Variants in KTN1 observed in about 807,000 individuals in gnomAD.
KTN1 encodes kinectin.
KTN1 carries 130 observed loss-of-function variants against 222.5 expected under a neutral mutation model. That is an observed-to-expected ratio of 0.58 (90% CI 0.51 to 0.68). KTN1 has a LOEUF of 0.68. Ranked by LOEUF, KTN1 falls within the 30% of genes least tolerant of loss-of-function variation. KTN1 has a pLI of 0.00. For synonymous variants in KTN1, 512 were observed against 496.3 expected, an observed-to-expected ratio of 1.03 and a Z score of -0.42; for missense variants, 1,508 against 1,500.4, an observed-to-expected ratio of 1.01 and a Z score of -0.08.
intron 1 of KTN1, among the ~76,000 whole-genome samples, chr14:55,585,927 A>G (rs1251517634): frequency 1.3e-5 from 2 of 152,216 alleles, no homozygotes; most frequent in African/African-American, 4.8e-5. Context: ...TTTGACTCTG[A>G]GTAACATCTA....
intron 1 of KTN1, 92 bp downstream of exon 1, chr14:55,580,446 A>AGGGCCGCGCCGGGCGGGG (rs1042853603): frequency 6.9e-6 from 1 of 145,228 alleles, no homozygotes; most frequent in African/African-American, 2.5e-5. Context: ...GGCAGGCGGG[A>AGGGCCGCGCCGGGCGGGG]GGGCCGCGCC....
At chr14:55,610,256 T>G (rs931380632) in intron 1 of KTN1, among the ~76,000 whole-genome samples, 1 of 152,172 alleles carries the variant, frequency 6.6e-6, no homozygotes, top group Non-Finnish European at 1.5e-5. Flanking sequence ...CTAAGCATGC[T>G]GGAAGTCCTG....
intron 18 of KTN1, among the ~76,000 whole-genome samples, chr14:55,642,868 AG>A (rs1191500931): frequency 6.6e-6 from 1 of 152,012 alleles, no homozygotes; most frequent in Non-Finnish European, 1.5e-5. Flanking sequence ...ACAGTGCTGA[AG>A]GGATGATATT....
At chr14:55,621,112 C>A (rs536101207) in intron 5 of KTN1, among the ~76,000 whole-genome samples, 14 of 152,144 alleles carry the variant, frequency 9.2e-5, no homozygotes, top group Non-Finnish European at 1.9e-4. Flanking sequence ...AGTCTCTTTG[C>A]TAAAACATAG....
At chr14:55,632,822 A>G (rs1424188952) in intron 7 of KTN1, among the ~76,000 whole-genome samples, 2 of 152,338 alleles carry the variant, frequency 1.3e-5, no homozygotes, top group South Asian at 2.1e-4. Context: ...TGTACCAAAC[A>G]TATTTTCAGT....
intron 1 of KTN1, among the ~76,000 whole-genome samples, chr14:55,587,486 T>C (rs1425687939): frequency 1.3e-5 from 2 of 152,198 alleles, no homozygotes; most frequent in Non-Finnish European, 2.9e-5. Flanking sequence ...TTGGACAAGC[T>C]AAGCTGTGCA....
At chr14:55,581,299 G>T (rs2031538934) in intron 1 of KTN1, among the ~76,000 whole-genome samples, 1 of 152,266 alleles carries the variant, frequency 6.6e-6, no homozygotes. Flanking sequence ...AGGTTAGGTT[G>T]AAAGTAAGCT....
chr14:55,613,729 A>G (rs1248207524), intron 2 of KTN1, among the ~76,000 whole-genome samples: 1 of 152,142 alleles, frequency 6.6e-6, no homozygotes, highest in Admixed American at 6.5e-5. Flanking sequence ...TTGGCCTCAC[A>G]AAGTGCTGAA....
intron 1 of KTN1, among the ~76,000 whole-genome samples, chr14:55,596,154 C>CA (rs71448460): frequency 0.035 from 2,125 of 60,952 alleles, 59 homozygotes; most frequent in African/African-American, 0.091. Flanking sequence ...GACTCAATAG[C>CA]AAAAAAAAAA....
chr14:55,598,798 C>T (rs963251163), intron 1 of KTN1, among the ~76,000 whole-genome samples: 1 of 152,192 alleles, frequency 6.6e-6, no homozygotes, highest in Non-Finnish European at 1.5e-5. Flanking sequence ...GTTTGAGTTA[C>T]ACAACGTTAC....
Position 55,658,625 on chromosome 14 carries a change from T to G in KTN1, c.2961+11T>G, listed in dbSNP as rs1430828059. 6.4e-7 allele frequency: 1 copy of G among 1,572,334 alleles called. No individual in the cohort carries two copies. Among genetic ancestry groups the G allele is most frequent in the Non-Finnish European group, 8.7e-7 (1 of 1,149,552 alleles). ...CAAAACTACCAACAGGTAGGTATTATTAGATGTCTTGCCTTTCACTTACGT... is the reference window on the plus strand; with the variant it reads ...CAAAACTACCAACAGGTAGGTATTAGTAGATGTCTTGCCTTTCACTTACGT... On this transcript the variant is annotated intron_variant, in intron 30 of 43. Coordinates refer to ENST00000395314, the MANE Select transcript of KTN1 (RefSeq NM_001079521.2).
At chr14:55,679,507 G>C in intron 42 of KTN1, 58 bp from the exon 43 acceptor site, 6 of 1,437,036 alleles carry the variant, frequency 4.2e-6, no homozygotes, top group Non-Finnish European at 5.7e-6. Context: ...CTGTTGTTTG[G>C]TTTTACATTT....
intron 34 of KTN1, among the ~76,000 whole-genome samples, chr14:55,669,268 A>G (rs2045214685): frequency 6.6e-6 from 1 of 152,028 alleles, no homozygotes; most frequent in African/African-American, 2.4e-5. Context: ...CAGTAACCAG[A>G]TCTTTTTGAC....
intron 35 of KTN1, 36 bp downstream of exon 35, chr14:55,670,845 A>G: frequency 1.4e-6 from 2 of 1,395,250 alleles, no homozygotes; most frequent in South Asian, 1.2e-5. Flanking sequence ...TAATTTAAAC[A>G]TAGAAAAAAG....
chr14:55,665,685 G>T (rs2044655335), intron 33 of KTN1, among the ~76,000 whole-genome samples: 1 of 151,912 alleles, frequency 6.6e-6, no homozygotes, highest in Admixed American at 6.6e-5. Context: ...ATACTCTTGA[G>T]GAGCTACTGA....
At chr14:55,671,486 G>A in intron 35 of KTN1, 80 bp from the exon 36 acceptor site, 1 of 925,832 alleles carries the variant, frequency 1.1e-6, no homozygotes, top group African/African-American at 1.7e-5. Context: ...TCATAATACA[G>A]TATTAAGTAC....
chr14:55,603,140 A>G (rs890321418), intron 1 of KTN1, among the ~76,000 whole-genome samples: 2 of 151,012 alleles, frequency 1.3e-5, no homozygotes, highest in African/African-American at 2.4e-5. Flanking sequence ...CTCCTGCATC[A>G]TTGTTCTTTC....
At chr14:55,590,282 A>G (rs2033877553) in intron 1 of KTN1, among the ~76,000 whole-genome samples, 1 of 152,238 alleles carries the variant, frequency 6.6e-6, no homozygotes, top group African/African-American at 2.4e-5. Flanking sequence ...ATTCAGACAT[A>G]TAAGAATGTA....
chr14:55,656,698 C>T (rs1244153220), intron 29 of KTN1, among the ~76,000 whole-genome samples: 1 of 152,052 alleles, frequency 6.6e-6, no homozygotes, highest in Non-Finnish European at 1.5e-5. Context: ...AACTCCTGAC[C>T]TCAGGTGATC....
Sources: gnomAD v4.1 joint callset for allele counts (sites outside exome capture counted in the v4.1 genomes callset) on GRCh38, gnomAD v4.1.1 for gene constraint, MANE v1.5 for transcripts, NCBI Gene and HGNC (gene_info 2026-07-23, HGNC 2026-07-21) for gene names.